Variants in MCPH1 observed in about 807,000 individuals in gnomAD.
MCPH1 encodes the protein microcephalin 1.
Under a neutral mutation model 84.5 loss-of-function variants are expected in MCPH1, and 104 were observed. The observed-to-expected ratio is 1.23, with a 90% confidence interval of 1.05 to 1.45. The LOEUF is 1.45. MCPH1 is among the 40% of genes most tolerant of loss of function. The pLI is 0.00. For synonymous variants in MCPH1, 514 were observed against 366.8 expected, an observed-to-expected ratio of 1.40 and a Z score of -4.58; for missense variants, 1,498 against 1,005.7, an observed-to-expected ratio of 1.49 and a Z score of -6.62.
At chr8:6,580,890 G>T (rs933738082) in intron 12 of MCPH1, among the ~76,000 whole-genome samples, 2 of 152,120 alleles carry the variant, frequency 1.3e-5, no homozygotes, top group African/African-American at 4.8e-5. Context: ...AATGATTATG[G>T]TCAGCCCTCC....
rs182861217 is a variant in MCPH1, at chr8:6,555,374, G to A, written c.2214+55445G>A. On this transcript the variant is annotated intron_variant, in intron 12 of 13. Transcript: ENST00000344683. ...TTTCCCCCTGTCAACTTCCAGAACA[G>A]GGCTGTAACTAGATGTATGGTTTGT... Among the ~76,000 whole-genome samples, 153 of 152,238 alleles carry A rather than the reference G, an allele frequency of 1.0e-3. 1 individual carries two copies. The highest frequency in any genetic ancestry group is 1.6e-3 in the Non-Finnish European group (110 of 68,008).
chr8:6,498,636 G>T (rs2442476), intron 11 of MCPH1, among the ~76,000 whole-genome samples: 10,388 of 152,202 alleles, frequency 0.068, 387 homozygotes, highest in African/African-American at 0.09. Context: ...GCATTTTTAA[G>T]GCTGGTTCAT....
At chr8:6,525,874 A>G (rs1479623061) in intron 12 of MCPH1, among the ~76,000 whole-genome samples, 2 of 152,240 alleles carry the variant, frequency 1.3e-5, no homozygotes, top group Non-Finnish European at 2.9e-5. Context: ...TGATTGGAAA[A>G]ATATTTGCAA....
chr8:6,624,874 CTTT>C lies in MCPH1; in HGVS notation c.2452+3197_2452+3199del, dbSNP rs34427383. The C allele has an allele frequency of 2.6e-4, 224 of 877,414 alleles. 4 individuals are homozygous for C. Among genetic ancestry groups the C allele is most frequent in the African/African-American group, 2.4e-3 (129 of 53,320 alleles). The allele number at this position is 877,414 out of a possible 1,614,324, so 54.4% of individuals were successfully genotyped here. On this transcript the variant is annotated intron_variant, in intron 13 of 13. Coordinates refer to ENST00000344683, the MANE Select transcript of MCPH1 (RefSeq NM_024596.5). Reference sequence around the variant, plus strand: ...TCTCTAACCAGAAACAAATCATATACTTTTTTTTTTTTTTTTCTGAGATGGAGT... The same window carrying C: ...TCTCTAACCAGAAACAAATCATATACTTTTTTTTTTTTTCTGAGATGGAGT...
At chr8:6,425,322 A>G (rs1006405990) in intron 3 of MCPH1, among the ~76,000 whole-genome samples, 1 of 152,208 alleles carries the variant, frequency 6.6e-6, no homozygotes, top group African/African-American at 2.4e-5. Context: ...ATCATTTTAC[A>G]TTTCTGAAGA....
At position 6,647,803 on chromosome 8, in the gene MCPH1, T is replaced by G. The variant is rs540651806; in HGVS notation, c.*4754T>G. On this transcript the variant is annotated 3_prime_UTR_variant, in exon 14 of 14. Coordinates refer to ENST00000344683, the MANE Select transcript of MCPH1 (RefSeq NM_024596.5). ...AAACATTTTGGGATGATGGAAACAT[T>G]CTAAAACTGGATTGTGATTTTGGTT... is the stretch of plus-strand genomic sequence containing the variant. 2 of 152,322 alleles carry G rather than the reference T, an allele frequency of 1.3e-5. No individual in the cohort carries two copies. Among genetic ancestry groups the G allele is most frequent in the Non-Finnish European group, 2.9e-5 (2 of 68,022 alleles). The allele number at this position is 152,322 out of a possible 1,614,324, so 9.4% of individuals were successfully genotyped here.
At chr8:6,609,509 T>A (rs970633943) in intron 12 of MCPH1, among the ~76,000 whole-genome samples, 5 of 152,228 alleles carry the variant, frequency 3.3e-5, no homozygotes, top group African/African-American at 1.2e-4. Flanking sequence ...TTGGCGCTCA[T>A]TGAGTTCCAG....
Position 6,509,115 on chromosome 8 carries a change from T to C in MCPH1, c.2214+9186T>C, listed in dbSNP as rs532252905. The stretch of plus-strand genomic sequence containing the variant: ...ATTGGCTAGGGTCATTGATTTACCG[T>C]AGTGGCAAATTTTTTGTGATGAAGA... On this transcript the variant is annotated intron_variant, in intron 12 of 13. Transcript: ENST00000344683. 3.8e-6 allele frequency: 6 copies of C among 1,580,606 alleles called. 1 individual carries two copies. The South Asian group carries it at 5.8e-5, about 15-fold the overall frequency.
At chr8:6,503,517 T>A (rs1364521005) in intron 12 of MCPH1, among the ~76,000 whole-genome samples, 1 of 152,214 alleles carries the variant, frequency 6.6e-6, no homozygotes, top group African/African-American at 2.4e-5. Context: ...TGGAGAGGCC[T>A]GAATTCTCCA....
intron 12 of MCPH1, among the ~76,000 whole-genome samples, chr8:6,582,432 G>C (rs1827631279): frequency 6.6e-6 from 1 of 152,178 alleles, no homozygotes. Context: ...TGACTCCAAA[G>C]TGCATCTATC....
At chr8:6,432,495 T>C (rs1471984559) in intron 4 of MCPH1, among the ~76,000 whole-genome samples, 4 of 152,278 alleles carry the variant, frequency 2.6e-5, no homozygotes, top group Non-Finnish European at 5.9e-5. Context: ...ATTCACATTT[T>C]AACCACAACC....
chr8:6,417,220 T>A (rs1799435584), intron 3 of MCPH1, among the ~76,000 whole-genome samples: 1 of 152,248 alleles, frequency 6.6e-6, no homozygotes, highest in Non-Finnish European at 1.5e-5. Context: ...TCTGATTAGC[T>A]GTATATCTTT....
At chr8:6,479,669 A>G (rs544059398) in intron 10 of MCPH1, among the ~76,000 whole-genome samples, 8 of 152,154 alleles carry the variant, frequency 5.3e-5, no homozygotes, top group Admixed American at 2.6e-4. Context: ...GTGGCTTAGA[A>G]AGCCCTCCAT....
chr8:6,446,176 A>G (rs979223526), intron 8 of MCPH1: 1 of 887,968 alleles, frequency 1.1e-6, no homozygotes, highest in African/African-American at 1.8e-5. Context: ...TCATAATTTA[A>G]TTGTAATTAT....
intron 13 of MCPH1, among the ~76,000 whole-genome samples, chr8:6,636,938 C>T (rs536635112): frequency 1.8e-4 from 27 of 152,306 alleles, no homozygotes; most frequent in Middle Eastern, 6.8e-3. Context: ...CACACATAAA[C>T]GGCAGACTTT....
rs1216836474 is a variant in MCPH1, at chr8:6,423,185, CTTTTCTTTTTTTT to C, written c.233+8307_234-8297del. ...CTTAATCTTTTGGCATTTTTCTTTT[CTTTTCTTTTTTTT>C]TTTTTTTTTGAAACTGAGTCTCGCT... On this transcript the variant is annotated intron_variant, in intron 3 of 13. Transcript: ENST00000344683. Among the ~76,000 whole-genome samples the C allele has an allele frequency of 4.0e-4, 44 of 110,806 alleles. 1 individual carries two copies. Among genetic ancestry groups the C allele is most frequent in the South Asian group, 2.9e-4 (1 of 3,470 alleles). The allele number at this position is 110,806 out of a possible 152,430, so 72.7% of individuals were successfully genotyped here.
intron 3 of MCPH1, among the ~76,000 whole-genome samples, chr8:6,428,016 C>G (rs1044679689): frequency 2.0e-5 from 3 of 151,832 alleles, no homozygotes; most frequent in African/African-American, 4.8e-5. Flanking sequence ...TGGCCTTGAA[C>G]CACTGACCTC....
intron 2 of MCPH1, 76 bp from the exon 3 acceptor site, chr8:6,414,689 G>C: frequency 1.3e-6 from 2 of 1,517,158 alleles, no homozygotes; most frequent in Non-Finnish European, 1.8e-6. Flanking sequence ...TGCTGGGGTA[G>C]AGGTTTTTTG....
Position 6,444,431 on chromosome 8 carries a change from GATCTTT to G in MCPH1, c.710_715del (p.Asp237_Cys239delinsGly). 1 of 1,614,112 alleles carries G rather than the reference GATCTTT, an allele frequency of 6.2e-7. No individual in the cohort carries two copies. The highest frequency in any genetic ancestry group is 2.2e-5 in the East Asian group (1 of 44,866). ...TGGTGGCTTACACTCATCTTTTGATGATCTTTGTGGAAACTCAGGATGTGGAAATCA... is the reference window on the plus strand; with the variant it reads ...TGGTGGCTTACACTCATCTTTTGATGGTGGAAACTCAGGATGTGGAAATCA... On this transcript the variant is annotated inframe_deletion, in exon 8 of 14. Coordinates refer to ENST00000344683, the MANE Select transcript of MCPH1 (RefSeq NM_024596.5).
Sources: allele counts gnomAD v4.1 joint callset (sites outside exome capture counted in the v4.1 genomes callset), GRCh38; gene constraint gnomAD v4.1.1; transcripts MANE v1.5; gene names NCBI Gene and HGNC (gene_info 2026-07-23, HGNC 2026-07-21).